Variants in NUP210L observed in about 807,000 individuals in gnomAD.
NUP210L encodes the protein nucleoporin 210 like, also known as nuclear pore membrane glycoprotein 210-like.
A neutral mutation model predicts 208.5 loss-of-function variants in NUP210L; 74 were observed. The ratio of observed to expected loss-of-function variants is 0.35; its 90% CI spans 0.29 to 0.43. The LOEUF is 0.43. Among genes scored for constraint, NUP210L ranks in the 20% least tolerant of loss-of-function variants. The pLI, the probability that NUP210L is intolerant of heterozygous loss-of-function variation, is 1.00. For synonymous variants in NUP210L, 780 were observed against 816.9 expected, an observed-to-expected ratio of 0.95 and a Z score of 0.77; for missense variants, 1,843 against 2,289.4, an observed-to-expected ratio of 0.81 and a Z score of 3.98.
rs1239015009 is a variant in NUP210L at position 154,137,566 on chromosome 1, A to G, written c.850+540T>C. ...ACTACATCTAGAAAAAAAAAAAAAAAGAGCTTGATATGGTGGCAGGAACCT... is the reference window on the plus strand; with the variant it reads ...ACTACATCTAGAAAAAAAAAAAAAAGGAGCTTGATATGGTGGCAGGAACCT... On this transcript the variant is annotated intron_variant, in intron 6 of 39. Transcript: ENST00000368559. Among the ~76,000 whole-genome samples, 6 of 132,014 alleles carry G rather than the reference A, an allele frequency of 4.5e-5. No individual in the cohort carries two copies. In the Admixed American group the frequency reaches 4.6e-4, roughly 10 times the overall value. 86.6% of individuals were successfully genotyped at this position (132,014 alleles called of 152,430 possible). A position where few individuals can be genotyped will look rare whatever the true frequency, so the allele number is the denominator to read the frequency against.
chr1:154,143,490 T>G, exon 3 of NUP210L: 1 of 1,614,044 alleles, frequency 6.2e-7, no homozygotes, highest in South Asian at 1.1e-5. Flanking sequence ...TGGCGAATCA[T>G]CTACATAAAG....
chr1:154,060,639 T>C (rs755608241), exon 20 of NUP210L: 1 of 1,604,146 alleles, frequency 6.2e-7, no homozygotes, highest in East Asian at 2.2e-5. Context: ...GGCTAAATGT[T>C]TCCTATGGAA....
intron 27 of NUP210L, among the ~76,000 whole-genome samples, chr1:154,042,415 T>TTTG (rs575841395): frequency 3.3e-3 from 486 of 146,958 alleles, no homozygotes; most frequent in East Asian, 0.015. Flanking sequence ...TGAAGGCCTT[T>TTTG]TTGTTGTTGT....
At chr1:154,025,741 C>T (rs774021393) in intron 29 of NUP210L, 25 bp from the exon 30 acceptor site, 9 of 1,602,742 alleles carry the variant, frequency 5.6e-6, no homozygotes, top group South Asian at 3.3e-5. Flanking sequence ...AAGGAAGTGG[C>T]ATCTTTTTGG....
chr1:154,136,495 CAG>C (rs910709154), intron 6 of NUP210L, among the ~76,000 whole-genome samples: 17 of 150,408 alleles, frequency 1.1e-4, no homozygotes, highest in African/African-American at 2.2e-4. Flanking sequence ...TATATATATA[CAG>C]AGAGAGAGAG....
At chr1:154,105,423 A>G (rs1302957246) in intron 12 of NUP210L, among the ~76,000 whole-genome samples, 1 of 149,576 alleles carries the variant, frequency 6.7e-6, no homozygotes, top group East Asian at 2.0e-4. Flanking sequence ...CGGGGGGTGG[A>G]GGTTGCAGTG....
chr1:154,084,984 A>G (rs1276626807), intron 16 of NUP210L, among the ~76,000 whole-genome samples: 1 of 147,384 alleles, frequency 6.8e-6, no homozygotes, highest in African/African-American at 2.5e-5. Context: ...TCCTGACCTT[A>G]GATGATCCAC....
At chr1:154,119,513 G>A (rs914712676) in intron 10 of NUP210L, among the ~76,000 whole-genome samples, 2 of 152,078 alleles carry the variant, frequency 1.3e-5, no homozygotes, top group African/African-American at 4.8e-5. Flanking sequence ...GCTTGAACTT[G>A]GGAGGCGGAG....
At position 154,008,017 on chromosome 1, in the gene NUP210L, G is replaced by A. The variant is rs1334117735; in HGVS notation, c.4930+1955C>T. 1.3e-5 allele frequency among the ~76,000 whole-genome samples: 2 copies of A among 151,912 alleles called. 1 individual carries two copies. The highest frequency in any genetic ancestry group is 3.9e-4 in the East Asian group (2 of 5,128). On this transcript the variant is annotated intron_variant, in intron 35 of 39. Transcript: ENST00000368559. Reference sequence around the variant, plus strand: ...CTCCCGAGTAGCTGGGGCTACAGGTGCCTGCCACCATGCCTGGCTAATTTT... The same window carrying A: ...CTCCCGAGTAGCTGGGGCTACAGGTACCTGCCACCATGCCTGGCTAATTTT...
intron 35 of NUP210L, among the ~76,000 whole-genome samples, chr1:154,002,478 C>T (rs934012900): frequency 2.0e-5 from 3 of 152,050 alleles, no homozygotes; most frequent in Non-Finnish European, 2.9e-5. Flanking sequence ...ACTAAAAATA[C>T]GAGGATTAGC....
chr1:154,126,605 G>T, intron 9 of NUP210L, 142 bp from the exon 10 acceptor site: 2 of 584,470 alleles, frequency 3.4e-6, no homozygotes, highest in Non-Finnish European at 2.8e-6. Context: ...CTCCCTCATA[G>T]AAATTAAAAG....
At chr1:154,040,211 A>C (rs987924375) in intron 27 of NUP210L, among the ~76,000 whole-genome samples, 1 of 152,052 alleles carries the variant, frequency 6.6e-6, no homozygotes, top group East Asian at 1.9e-4. Flanking sequence ...TTGTTGTAAC[A>C]ATAAGGAAAA....
chr1:154,074,940 T>G lies in NUP210L; in HGVS notation c.2362-4475A>C, dbSNP rs137945133. 9.5e-3 allele frequency among the ~76,000 whole-genome samples: 1,454 copies of G among 152,334 alleles called. 14 individuals are homozygous for G. The highest frequency in any genetic ancestry group is 0.068 in the Middle Eastern group (20 of 294). ...AACATTGTACTCAATAGGTAATTTT[T>G]CAACCCTCTGCCATTATTTTTTGGA... On this transcript the variant is annotated intron_variant, in intron 16 of 39. Transcript: ENST00000368559.
At chr1:154,138,214 G>T in exon 6 of NUP210L, 1 of 1,539,842 alleles carries the variant, frequency 6.5e-7, no homozygotes, top group Non-Finnish European at 8.6e-7. Context: ...AAAACAAGCA[G>T]ACGTATTAAG....
intron 16 of NUP210L, among the ~76,000 whole-genome samples, chr1:154,088,925 A>G (rs1026146641): frequency 6.6e-6 from 1 of 152,192 alleles, no homozygotes; most frequent in Admixed American, 6.6e-5. Context: ...CTTAGTAGCT[A>G]CATTATTGTT....
intron 37 of NUP210L, among the ~76,000 whole-genome samples, chr1:153,999,951 A>G (rs1177954947): frequency 6.6e-6 from 1 of 151,144 alleles, no homozygotes; most frequent in African/African-American, 2.4e-5. Context: ...CAGCCTCCCG[A>G]GTAGCTGGGA....
chr1:154,126,190 G>C, intron 10 of NUP210L, 133 bp downstream of exon 10: 1 of 707,490 alleles, frequency 1.4e-6, no homozygotes, highest in Non-Finnish European at 2.4e-6. Context: ...ATACACTTAC[G>C]AATTTGCTGT....
chr1:154,086,290 C>T (rs1302225229), intron 16 of NUP210L, among the ~76,000 whole-genome samples: 2 of 151,450 alleles, frequency 1.3e-5, no homozygotes, highest in African/African-American at 2.4e-5. Context: ...TAGATCCCTA[C>T]CTCACACCAT....
intron 6 of NUP210L, among the ~76,000 whole-genome samples, chr1:154,136,952 CTT>C (rs1658581719): frequency 7.5e-6 from 1 of 133,756 alleles, no homozygotes; most frequent in South Asian, 2.5e-4. Context: ...CTCAATGTAA[CTT>C]TTAGTATCAA....
Sources: gnomAD v4.1 joint callset for allele counts (sites outside exome capture counted in the v4.1 genomes callset) on GRCh38, gnomAD v4.1.1 for gene constraint, MANE v1.5 for transcripts, NCBI Gene and HGNC (gene_info 2026-07-23, HGNC 2026-07-21) for gene names.